Variants in FNBP1L observed in about 807,000 individuals in gnomAD.
FNBP1L encodes formin binding protein 1 like, also known as formin-binding protein 1-like.
Under a neutral mutation model 91.2 loss-of-function variants are expected in FNBP1L, and 36 were observed. The ratio of observed to expected loss-of-function variants is 0.39; its 90% confidence interval spans 0.30 to 0.52. The LOEUF (loss-of-function observed/expected upper bound fraction) is 0.52, where lower values mean the gene tolerates loss of function less well. FNBP1L is among the 20% of genes least tolerant of loss of function. The pLI, the probability that FNBP1L is intolerant of heterozygous loss-of-function variation, is 0.66. For missense variants in FNBP1L, 571 were observed against 732.1 expected, an observed-to-expected ratio of 0.78 and a Z score of 2.54; for synonymous variants, 242 against 237.0, an observed-to-expected ratio of 1.02 and a Z score of -0.19.
At chr1:93,502,991 T>A (rs1486431872) in intron 2 of FNBP1L, among the ~76,000 whole-genome samples, 1 of 152,232 alleles carries the variant, frequency 6.6e-6, no homozygotes, top group East Asian at 1.9e-4. Flanking sequence ...TCCTCTTTAA[T>A]GGGAAAAATT....
At chr1:93,548,328 C>A (rs557561346) in intron 14 of FNBP1L, among the ~76,000 whole-genome samples, 1 of 152,148 alleles carries the variant, frequency 6.6e-6, no homozygotes, top group Admixed American at 6.5e-5. Context: ...TAAAATTTTC[C>A]ATTATTAAAT....
chr1:93,513,340 A>G (rs1670935076), intron 2 of FNBP1L, among the ~76,000 whole-genome samples: 2 of 151,990 alleles, frequency 1.3e-5, no homozygotes, highest in African/African-American at 4.8e-5. Context: ...TACCAGAGGT[A>G]CAAGGAGGAA....
At chr1:93,505,868 G>T (rs61784064) in intron 2 of FNBP1L, among the ~76,000 whole-genome samples, 2 of 152,066 alleles carry the variant, frequency 1.3e-5, no homozygotes. Context: ...TAGTAGAGAC[G>T]GGGTTTTACC....
At chr1:93,466,054 TG>T (rs1435074887) in intron 1 of FNBP1L, among the ~76,000 whole-genome samples, 7 of 152,148 alleles carry the variant, frequency 4.6e-5, no homozygotes, top group Admixed American at 1.3e-4. Flanking sequence ...TGGAGTTGTT[TG>T]TTTTTTTTTC....
At chr1:93,510,266 C>A (rs951732986) in intron 2 of FNBP1L, among the ~76,000 whole-genome samples, 1 of 148,574 alleles carries the variant, frequency 6.7e-6, no homozygotes, top group African/African-American at 2.4e-5. Context: ...GATCTGAGAA[C>A]GGGCAGACTG....
intron 1 of FNBP1L, among the ~76,000 whole-genome samples, chr1:93,482,643 A>T (rs1194238312): frequency 6.6e-6 from 1 of 152,112 alleles, no homozygotes. Flanking sequence ...CTGTAATCCT[A>T]CCACTTTGAG....
intron 10 of FNBP1L, among the ~76,000 whole-genome samples, chr1:93,539,076 C>G (rs1300411155): frequency 6.6e-6 from 1 of 151,994 alleles, no homozygotes; most frequent in Non-Finnish European, 1.5e-5. Flanking sequence ...AATTTTTACT[C>G]TATTGCTACT....
rs779918152 is a variant in FNBP1L at position 93,524,341 on chromosome 1, C to T, written c.405+18C>T. 2.7e-6 allele frequency: 4 copies of T among 1,470,908 alleles called. No homozygotes were observed. Among genetic ancestry groups the T allele is most frequent in the Non-Finnish European group, 3.6e-6 (4 of 1,109,390 alleles). The allele number at this position is 1,470,908 out of a possible 1,614,324, so 91.1% of individuals were successfully genotyped here. On this transcript the variant is annotated intron_variant, in intron 5 of 16. Coordinates refer to ENST00000271234, the MANE Select transcript of FNBP1L (RefSeq NM_001164473.3). ...TGGATAATGTGAGTTATGACATTTT[C>T]ATGGTTAACATAAAATCTTGTAGAC... is the stretch of plus-strand genomic sequence containing the variant.
rs1198638391 is a variant in FNBP1L at position 93,554,521 on chromosome 1, C to G, written c.*2105C>G. 5.2e-5 allele frequency: 8 copies of G among 152,590 alleles called. No homozygotes were observed. Among genetic ancestry groups the G allele is most frequent in the Non-Finnish European group, 1.5e-5 (1 of 68,028 alleles). The allele number at this position is 152,590 out of a possible 1,614,324, so 9.5% of individuals were successfully genotyped here. On this transcript the variant is annotated 3_prime_UTR_variant, in exon 17 of 17. Transcript: ENST00000271234. Reference sequence around the variant, plus strand: ...TAAATTTTGAACATGTGAATTGTCCCAAAAAATCTTTAATTTTTTGGTAAT... The same window carrying G: ...TAAATTTTGAACATGTGAATTGTCCGAAAAAATCTTTAATTTTTTGGTAAT...
chr1:93,478,183 A>C (rs1387544073), intron 1 of FNBP1L, among the ~76,000 whole-genome samples: 1 of 152,188 alleles, frequency 6.6e-6, no homozygotes, highest in East Asian at 1.9e-4. Context: ...TGAGCAATTG[A>C]AGTGAGGCTC....
At chr1:93,513,431 C>A (rs1670938369) in intron 2 of FNBP1L, among the ~76,000 whole-genome samples, 1 of 152,056 alleles carries the variant, frequency 6.6e-6, no homozygotes, top group South Asian at 2.1e-4. Context: ...AGGCCAGCAT[C>A]ATCCTGATAC....
At chr1:93,513,755 T>C (rs1360615255) in intron 2 of FNBP1L, among the ~76,000 whole-genome samples, 1 of 152,190 alleles carries the variant, frequency 6.6e-6, no homozygotes, top group Non-Finnish European at 1.5e-5. Flanking sequence ...AATTAGATAT[T>C]GATGGGACGT....
At chr1:93,480,156 C>A (rs1479310338) in intron 1 of FNBP1L, among the ~76,000 whole-genome samples, 2 of 152,176 alleles carry the variant, frequency 1.3e-5, no homozygotes, top group Non-Finnish European at 2.9e-5. Context: ...ACAACAATCC[C>A]TTTCCCCACA....
chr1:93,452,096 A>G (rs945358611), intron 1 of FNBP1L, among the ~76,000 whole-genome samples: 13 of 152,348 alleles, frequency 8.5e-5, no homozygotes, highest in African/African-American at 2.4e-4. Context: ...TCTTGGCTTC[A>G]TAACACTTTA....
rs1672437204 is a variant in FNBP1L at position 93,552,223 on chromosome 1, T to C, written c.1811-186T>C. The C allele has an allele frequency of 2.9e-6, 4 of 1,380,156 alleles. No individual in the cohort carries two copies. The African/African-American group carries it at 5.9e-5, about 20-fold the overall frequency. The allele number at this position is 1,380,156 out of a possible 1,614,324, so 85.5% of individuals were successfully genotyped here. A position where few individuals can be genotyped will look rare whatever the true frequency, so the allele number is the denominator to read the frequency against. On this transcript the variant is annotated intron_variant, in intron 16 of 16. Coordinates refer to ENST00000271234, the MANE Select transcript of FNBP1L (RefSeq NM_001164473.3). ...ACCCTGAGTCAGTGGTGTGGGGAAG[T>C]AAAGTGTGAAGAAGCAGTAAGATTG... is the stretch of plus-strand genomic sequence containing the variant.
At chr1:93,506,248 TTTC>T (rs936842253) in intron 2 of FNBP1L, among the ~76,000 whole-genome samples, 13 of 152,142 alleles carry the variant, frequency 8.5e-5, no homozygotes, top group African/African-American at 2.2e-4. Context: ...CCCTTTGTCT[TTTC>T]TTCTTCTTCT....
chr1:93,539,016 A>G (rs906688138), intron 10 of FNBP1L, among the ~76,000 whole-genome samples: 2 of 152,040 alleles, frequency 1.3e-5, no homozygotes, highest in Non-Finnish European at 2.9e-5. Context: ...CTAACCGTTA[A>G]TGGATATTTG....
At chr1:93,498,801 A>T (rs1670350814) in intron 1 of FNBP1L, among the ~76,000 whole-genome samples, 1 of 152,202 alleles carries the variant, frequency 6.6e-6, no homozygotes, top group South Asian at 2.1e-4. Context: ...TGCATTGCAG[A>T]ACATGTTTAA....
intron 1 of FNBP1L, among the ~76,000 whole-genome samples, chr1:93,463,094 T>A (rs1455016086): frequency 6.6e-6 from 1 of 152,180 alleles, no homozygotes; most frequent in African/African-American, 2.4e-5. Context: ...ATTTCAGCTT[T>A]TGACTGTTTG....
Sources: allele counts gnomAD v4.1 joint callset (sites outside exome capture counted in the v4.1 genomes callset), GRCh38; gene constraint gnomAD v4.1.1; transcripts MANE v1.5; gene names NCBI Gene and HGNC (gene_info 2026-07-23, HGNC 2026-07-21).